The following TMEM178B variants were observed in gnomAD, a reference collection of about 807,000 sequenced individuals.
TMEM178B encodes the protein transmembrane protein 178B.
In TMEM178B, 5 loss-of-function variants were observed where a neutral mutation model predicts 31.0. The ratio of observed to expected loss-of-function variants is 0.16; its 90% confidence interval spans 0.08 to 0.34. TMEM178B has a LOEUF of 0.34. Among genes scored for constraint, TMEM178B ranks in the 10% least tolerant of loss-of-function variants. The pLI is 1.00. For missense variants in TMEM178B, 275 were observed against 400.3 expected (o/e 0.69, Z 2.67); for synonymous variants, 164 against 164.0 (o/e 1.00, Z 0.00).
Position 141,158,494 on chromosome 7 carries a change from A to T in TMEM178B, c.383-54097A>T, listed in dbSNP as rs568167190. ...CCCTTATATCCGGATGTTGCTAAGA[A>T]CACAATAGGTGCTTAGTAAATATTT... On this transcript the variant is annotated intron_variant, in intron 1 of 3. Coordinates refer to ENST00000565468, the MANE Select transcript of TMEM178B (RefSeq NM_001195278.2). Among the ~76,000 whole-genome samples the T allele has an allele frequency of 1.4e-4, 21 of 152,310 alleles. No homozygotes were observed. In the East Asian group the frequency reaches 2.9e-3, roughly 21 times the overall value.
At chr7:141,504,893 C>G in the TMEM178B span, among the ~76,000 whole-genome samples, 2 of 152,232 alleles carry the variant, frequency 1.3e-5, no homozygotes, top group Non-Finnish European at 2.9e-5. Flanking sequence ...TGAGTCCTGT[C>G]CCAAGACTAT....
intron 1 of TMEM178B, among the ~76,000 whole-genome samples, chr7:141,108,045 G>A (rs1270042544): frequency 6.6e-6 from 1 of 152,192 alleles, no homozygotes; most frequent in Non-Finnish European, 1.5e-5. Context: ...ACTGAGATTT[G>A]ACCATTGCAT....
chr7:141,219,383 C>A (rs1797217921), intron 2 of TMEM178B, among the ~76,000 whole-genome samples: 1 of 152,210 alleles, frequency 6.6e-6, no homozygotes, highest in South Asian at 2.1e-4. Flanking sequence ...AGCCATTTTC[C>A]TTCTCCCACA....
Position 141,322,363 on chromosome 7 carries a change from TAAA to T in TMEM178B, c.496+109675_496+109677del, listed in dbSNP as rs57989369. ...CCAAAATGGTGAAACCCCATCTTACTAAAAAAAAAAAAAAAAAATTAGCCGGGC... is the reference window on the plus strand; with the variant it reads ...CCAAAATGGTGAAACCCCATCTTACTAAAAAAAAAAAAAAATTAGCCGGGC... On this transcript the variant is annotated intron_variant, in intron 2 of 3. Transcript: ENST00000565468. Among the ~76,000 whole-genome samples, 355 of 134,426 alleles carry T rather than the reference TAAA, an allele frequency of 2.6e-3. 3 individuals carry two copies. The highest frequency in any genetic ancestry group is 8.0e-3 in the African/African-American group (298 of 37,176). 88.2% of individuals were successfully genotyped at this position (134,426 alleles called of 152,430 possible). A position where few individuals can be genotyped will look rare whatever the true frequency, so the allele number is the denominator to read the frequency against.
Position 141,369,570 on chromosome 7 carries a change from G to C in TMEM178B, c.497-68038G>C, listed in dbSNP as rs555105426. On this transcript the variant is annotated intron_variant, in intron 2 of 3. Transcript: ENST00000565468. The stretch of plus-strand genomic sequence containing the variant: ...TGGAAAATTCAAAGGAAGGTGTTTT[G>C]CTTTTTCCCTGAGCAAGAATGCCGA... 1.4e-4 allele frequency among the ~76,000 whole-genome samples: 22 copies of C among 152,222 alleles called. No individual in the cohort carries two copies. In the South Asian group the frequency reaches 4.6e-3, roughly 32 times the overall value.
intron 1 of TMEM178B, among the ~76,000 whole-genome samples, chr7:141,141,531 G>A (rs946627178): frequency 1.3e-5 from 2 of 152,134 alleles, no homozygotes; most frequent in African/African-American, 4.8e-5. Flanking sequence ...AGTATGTTAT[G>A]ATTCATTTGC....
chr7:141,254,368 C>T (rs1463031802), intron 2 of TMEM178B, among the ~76,000 whole-genome samples: 1 of 152,156 alleles, frequency 6.6e-6, no homozygotes, highest in Admixed American at 6.5e-5. Context: ...CAGGAGAGCA[C>T]CCCCTGCCCT....
At chr7:141,238,797 T>C (rs1444848471) in intron 2 of TMEM178B, among the ~76,000 whole-genome samples, 1 of 152,202 alleles carries the variant, frequency 6.6e-6, no homozygotes, top group Non-Finnish European at 1.5e-5. Flanking sequence ...GCGAGAGTGC[T>C]GCTGGGTTCT....
At chr7:141,290,819 G>A (rs1385221556) in intron 2 of TMEM178B, among the ~76,000 whole-genome samples, 2 of 152,200 alleles carry the variant, frequency 1.3e-5, no homozygotes, top group African/African-American at 4.8e-5. Context: ...TTGGAAGGCA[G>A]GAGGCATAGC....
At chr7:141,403,086 A>C (rs894574453) in intron 2 of TMEM178B, among the ~76,000 whole-genome samples, 7 of 152,224 alleles carry the variant, frequency 4.6e-5, no homozygotes, top group South Asian at 2.1e-4. Flanking sequence ...CTTTGAGGCC[A>C]CAGAGGCCCC....
intron 2 of TMEM178B, among the ~76,000 whole-genome samples, chr7:141,241,693 T>C (rs1348483585): frequency 1.1e-4 from 17 of 152,130 alleles, no homozygotes; most frequent in Non-Finnish European, 1.9e-4. Flanking sequence ...GTCAGACCTC[T>C]TTAAAGGAGC....
At chr7:141,187,638 C>A (rs1275240145) in intron 1 of TMEM178B, among the ~76,000 whole-genome samples, 1 of 152,206 alleles carries the variant, frequency 6.6e-6, no homozygotes, top group Non-Finnish European at 1.5e-5. Context: ...GCCATTCTAA[C>A]TGGTGTGAGA....
At position 141,348,971 on chromosome 7, in the gene TMEM178B, A is replaced by T. The variant is rs573097900; in HGVS notation, c.497-88637A>T. Among the ~76,000 whole-genome samples, 188 of 152,286 alleles carry T rather than the reference A, an allele frequency of 1.2e-3. 4 individuals are homozygous for T. In the South Asian group the frequency reaches 0.038, roughly 31 times the overall value. The stretch of plus-strand genomic sequence containing the variant: ...CGGCAGGGTATCGCTGATTGACAGG[A>T]CCATGAAATGTTCCCACAGTGACTG... On this transcript the variant is annotated intron_variant, in intron 2 of 3. Coordinates refer to ENST00000565468, the MANE Select transcript of TMEM178B (RefSeq NM_001195278.2).
At chr7:141,423,548 G>A (rs989861819) in intron 2 of TMEM178B, among the ~76,000 whole-genome samples, 5 of 152,198 alleles carry the variant, frequency 3.3e-5, no homozygotes, top group Non-Finnish European at 5.9e-5. Flanking sequence ...TATGGAGGAG[G>A]AGGAGGGGGC....
At chr7:141,170,518 C>T (rs552789592) in intron 1 of TMEM178B, among the ~76,000 whole-genome samples, 3 of 152,216 alleles carry the variant, frequency 2.0e-5, no homozygotes, top group Admixed American at 6.5e-5. Flanking sequence ...AGTTGTTTCT[C>T]GTTGTTATAA....
At chr7:141,335,108 A>C (rs1279841328) in intron 2 of TMEM178B, among the ~76,000 whole-genome samples, 1 of 152,186 alleles carries the variant, frequency 6.6e-6, no homozygotes, top group African/African-American at 2.4e-5. Flanking sequence ...GATACAAGCC[A>C]CAGCACAGTT....
intron 2 of TMEM178B, among the ~76,000 whole-genome samples, chr7:141,252,020 A>G (rs569541800): frequency 6.6e-6 from 1 of 152,332 alleles, no homozygotes; most frequent in South Asian, 2.1e-4. Context: ...AAAAAGTTGC[A>G]ATTCTACTAT....
At chr7:141,106,085 C>CA (rs3032870) in intron 1 of TMEM178B, among the ~76,000 whole-genome samples, 72,517 of 122,756 alleles carry the variant, frequency 0.59, 22,413 homozygotes, top group East Asian at 0.96. Flanking sequence ...GACCCTGTCT[C>CA]AAAAAAAAAA....
At chr7:141,386,959 C>T (rs1302193045) in intron 2 of TMEM178B, among the ~76,000 whole-genome samples, 8 of 152,128 alleles carry the variant, frequency 5.3e-5, no homozygotes, top group Admixed American at 1.3e-4. Flanking sequence ...TTCAAAATCC[C>T]GGAAGAAAGA....
Sources: gnomAD v4.1 joint callset for allele counts (sites outside exome capture counted in the v4.1 genomes callset) on GRCh38, gnomAD v4.1.1 for gene constraint, MANE v1.5 for transcripts, NCBI Gene and HGNC (gene_info 2026-07-23, HGNC 2026-07-21) for gene names.